MYO16: variants seen among roughly 807,000 people sequenced by gnomAD.
The protein encoded by MYO16 is myosin XVI.
MYO16 carries 94 observed loss-of-function variants against 205.3 expected under a neutral mutation model. That is an observed-to-expected ratio of 0.46 (90% CI 0.39 to 0.54). The LOEUF (loss-of-function observed/expected upper bound fraction) is 0.54, where lower values mean the gene tolerates loss of function less well. Ranked by LOEUF, MYO16 falls within the 20% of genes least tolerant of loss-of-function variation. The pLI, the probability that MYO16 is intolerant of heterozygous loss-of-function variation, is 0.00. For synonymous variants in MYO16, 988 were observed against 954.0 expected (o/e 1.04, Z -0.66); for missense variants, 2,315 against 2,387.5 (o/e 0.97, Z 0.63).
intron 21 of MYO16, among the ~76,000 whole-genome samples, chr13:108,998,435 AG>A (rs1885107247): frequency 6.6e-6 from 1 of 152,202 alleles, no homozygotes; most frequent in African/African-American, 2.4e-5. Context: ...AAATGTTAAA[AG>A]GGCAAATTCC....
chr13:109,023,883 T>C (rs1594480595), intron 23 of MYO16, among the ~76,000 whole-genome samples: 1 of 138,982 alleles, frequency 7.2e-6, no homozygotes, highest in East Asian at 2.1e-4. Flanking sequence ...TTTTATTAAA[T>C]ACTTATATAT....
chr13:109,020,104 C>T (rs1042928104), intron 23 of MYO16, among the ~76,000 whole-genome samples, 193 bp downstream of exon 23: 22 of 152,228 alleles, frequency 1.4e-4, no homozygotes, highest in African/African-American at 3.4e-4. Context: ...AGAATGATGA[C>T]GCACACTGTG....
chr13:108,544,578 G>T, the MYO16 span, among the ~76,000 whole-genome samples: 2 of 151,990 alleles, frequency 1.3e-5, no homozygotes, highest in South Asian at 2.1e-4. Context: ...AGTTATAAAA[G>T]GTTATATAGT....
At chr13:108,636,182 A>G (rs1189753237) in intron 1 of MYO16, among the ~76,000 whole-genome samples, 1 of 152,106 alleles carries the variant, frequency 6.6e-6, no homozygotes, top group Non-Finnish European at 1.5e-5. Context: ...ATTTAGTTTA[A>G]GGTTACACTG....
At chr13:108,766,334 G>A (rs1461482615) in intron 4 of MYO16, among the ~76,000 whole-genome samples, 1 of 152,146 alleles carries the variant, frequency 6.6e-6, no homozygotes, top group Non-Finnish European at 1.5e-5. Context: ...ATTTGCTGCT[G>A]GTTATCAAGA....
intron 5 of MYO16, among the ~76,000 whole-genome samples, chr13:108,787,603 G>A (rs1328119550): frequency 1.3e-5 from 2 of 152,066 alleles, no homozygotes; most frequent in Non-Finnish European, 1.5e-5. Flanking sequence ...AAAAATAAAT[G>A]TGTTCCTTTG....
At chr13:108,573,388 T>C in the MYO16 span, among the ~76,000 whole-genome samples, 1 of 152,224 alleles carries the variant, frequency 6.6e-6, no homozygotes, top group Non-Finnish European at 1.5e-5. Flanking sequence ...TTTAAAAATG[T>C]AGGACTTTTA....
At chr13:108,605,880 A>G (rs1878940107) in intron 1 of MYO16, among the ~76,000 whole-genome samples, 1 of 152,160 alleles carries the variant, frequency 6.6e-6, no homozygotes, top group African/African-American at 2.4e-5. Flanking sequence ...AAAATACTGG[A>G]AGATGTGGAA....
chr13:108,659,198 ATGTG>A (rs199588624), intron 1 of MYO16, among the ~76,000 whole-genome samples: 115 of 146,880 alleles, frequency 7.8e-4, no homozygotes, highest in Non-Finnish European at 1.1e-3. Flanking sequence ...GTGTATATAT[ATGTG>A]TGTGTGTGTG....
At chr13:108,858,707 A>G (rs1878314074) in intron 11 of MYO16, among the ~76,000 whole-genome samples, 1 of 152,172 alleles carries the variant, frequency 6.6e-6, no homozygotes, top group Non-Finnish European at 1.5e-5. Flanking sequence ...TCTCAACACA[A>G]AAATTCAGAG....
chr13:108,676,402 TG>T lies in MYO16; in HGVS notation c.292+10254del, dbSNP rs1322545293. On this transcript the variant is annotated intron_variant, in intron 2 of 34. Transcript: ENST00000457511. ...GTGTGTGTGTGTGTGTGTGTGTGTG[TG>T]TGTGCCAGCCATCTCTCTAAACACT... 5.7e-4 allele frequency among the ~76,000 whole-genome samples: 83 copies of T among 146,502 alleles called. 1 individual carries two copies. The highest frequency in any genetic ancestry group is 5.1e-3 in the Admixed American group (73 of 14,278).
At chr13:109,205,617 A>G (rs932937703) in intron 34 of MYO16, among the ~76,000 whole-genome samples, 1 of 152,038 alleles carries the variant, frequency 6.6e-6, no homozygotes, top group Admixed American at 6.5e-5. Context: ...CTTCCTTAGA[A>G]TTGCCAGAAA....
chr13:108,994,862 G>A (rs1048272209), intron 21 of MYO16, among the ~76,000 whole-genome samples: 2 of 152,110 alleles, frequency 1.3e-5, no homozygotes, highest in Non-Finnish European at 2.9e-5. Context: ...TCTTGTTCAG[G>A]AATAAATGAC....
Position 108,693,178 on chromosome 13 carries a change from A to G in MYO16, c.293-19483A>G, listed in dbSNP as rs573408280. Among the ~76,000 whole-genome samples the G allele has an allele frequency of 3.3e-5, 5 of 152,338 alleles. No individual in the cohort carries two copies. The South Asian group carries it at 8.3e-4, about 25-fold the overall frequency. On this transcript the variant is annotated intron_variant, in intron 2 of 34. Coordinates refer to ENST00000457511, the MANE Select transcript of MYO16 (RefSeq NM_001198950.3). Reference sequence around the variant, plus strand: ...ATAATATATGACTTAAGAAGTTTATAAAGTTTAAGAACACCATTGTCAGGG... The same window carrying G: ...ATAATATATGACTTAAGAAGTTTATGAAGTTTAAGAACACCATTGTCAGGG...
At position 109,032,267 on chromosome 13, in the gene MYO16, C is replaced by T. The variant is rs148054935; in HGVS notation, c.2796+12356C>T. 2.7e-3 allele frequency among the ~76,000 whole-genome samples: 411 copies of T among 152,228 alleles called. 2 individuals carry two copies. The highest frequency in any genetic ancestry group is 4.6e-3 in the Non-Finnish European group (310 of 68,006). ...CTCTGGCTTGTGTACCAGATGAAGC[C>T]CTACCACCATATCCTTCGCTATCAA... On this transcript the variant is annotated intron_variant, in intron 23 of 34. Coordinates refer to ENST00000457511, the MANE Select transcript of MYO16 (RefSeq NM_001198950.3).
chr13:108,697,005 T>C (rs1289621784), intron 2 of MYO16, among the ~76,000 whole-genome samples: 3 of 151,774 alleles, frequency 2.0e-5, no homozygotes, highest in Non-Finnish European at 4.4e-5. Context: ...ACCCTGCCCT[T>C]CTACTCATCT....
upstream of MYO16, among the ~76,000 whole-genome samples, chr13:108,594,344 T>C (rs7139430): frequency 0.24 from 36,611 of 152,026 alleles, 4,617 homozygotes; most frequent in East Asian, 0.39. Context: ...TTCTCCCTCA[T>C]TGCAGCCATG....
At chr13:108,669,151 C>T (rs2139440752) in intron 2 of MYO16, among the ~76,000 whole-genome samples, 1 of 151,988 alleles carries the variant, frequency 6.6e-6, no homozygotes, top group African/African-American at 2.4e-5. Flanking sequence ...CAAGGAATTC[C>T]AATATTAATA....
the MYO16 span, among the ~76,000 whole-genome samples, chr13:108,553,428 TC>T: frequency 2.6e-5 from 4 of 152,168 alleles, no homozygotes; most frequent in African/African-American, 9.7e-5. Context: ...AATTCTCGCA[TC>T]CCTGGGAAAC....
Sources: gnomAD v4.1 joint callset for allele counts (sites outside exome capture counted in the v4.1 genomes callset) on GRCh38, gnomAD v4.1.1 for gene constraint, MANE v1.5 for transcripts, NCBI Gene and HGNC (gene_info 2026-07-23, HGNC 2026-07-21) for gene names.